The following GABRB3 variants were observed in gnomAD, a reference collection of about 807,000 sequenced individuals.
The protein encoded by GABRB3 is gamma-aminobutyric acid type A receptor subunit beta3.
Under a neutral mutation model 52.1 loss-of-function variants are expected in GABRB3, and 14 were observed. The ratio of observed to expected loss-of-function variants is 0.27; its 90% CI spans 0.18 to 0.42. The LOEUF is 0.42. GABRB3 is among the 10% of genes least tolerant of loss of function. The pLI is 1.00. For missense variants in GABRB3, 307 were observed against 609.1 expected (o/e 0.50, Z 5.22); for synonymous variants, 260 against 232.3 (o/e 1.12, Z -1.08).
At chr15:26,648,827 G>A (rs1022026266) in intron 3 of GABRB3, among the ~76,000 whole-genome samples, 3 of 152,098 alleles carry the variant, frequency 2.0e-5, no homozygotes, top group Non-Finnish European at 4.4e-5. Context: ...AACTGACAGC[G>A]GCTGGGATTT....
At chr15:26,740,899 A>G (rs1470595517) in intron 3 of GABRB3, among the ~76,000 whole-genome samples, 1 of 152,054 alleles carries the variant, frequency 6.6e-6, no homozygotes, top group Non-Finnish European at 1.5e-5. Context: ...CAACACACAC[A>G]AGCACTGCTG....
In GABRB3 at chr15:26,547,866, C is replaced by A; in HGVS notation, c.1349G>T (p.Arg450Ile). 1 of 1,614,180 alleles carries A rather than the reference C, an allele frequency of 6.2e-7. No individual in the cohort carries two copies. The highest frequency in any genetic ancestry group is 8.5e-7 in the Non-Finnish European group (1 of 1,180,042). Residue 450 changes from arginine to isoleucine, a missense_variant, in exon 9 of 9, where the codon AGA (arginine) becomes ATA (isoleucine). Around this residue, in one of 6 missense-constraint regions of GABRB3, gnomAD observed 115 missense variants for 166.9 expected, o/e 0.69. Transcript: ENST00000311550. ...GAATGGAAACACGATCCTGGACCAT[C>A]TGTCTATGGCATTCACATCGGTTAG... ...PDLTDVNAID[R>I]WSRIVFPFTF...
intron 8 of GABRB3, among the ~76,000 whole-genome samples, chr15:26,549,803 G>T (rs1889390757): frequency 6.6e-6 from 1 of 152,074 alleles, no homozygotes. Context: ...GATCCAATCA[G>T]AACACGCCTC....
intron 7 of GABRB3, among the ~76,000 whole-genome samples, chr15:26,566,986 GA>G (rs1239894731): frequency 6.6e-6 from 1 of 152,152 alleles, no homozygotes; most frequent in East Asian, 1.9e-4. Flanking sequence ...CAGCTGAATA[GA>G]GAATAATGTT....
At chr15:26,691,465 T>A (rs553288958) in intron 3 of GABRB3, among the ~76,000 whole-genome samples, 2 of 152,262 alleles carry the variant, frequency 1.3e-5, no homozygotes, top group South Asian at 4.2e-4. Flanking sequence ...ATTCATTACA[T>A]CCACTCTGCT....
At chr15:26,646,721 T>C (rs1887018984) in intron 3 of GABRB3, among the ~76,000 whole-genome samples, 1 of 152,232 alleles carries the variant, frequency 6.6e-6, no homozygotes, top group South Asian at 2.1e-4. Flanking sequence ...ATTTTCTGTT[T>C]TTTAAAATTA....
intron 7 of GABRB3, 49 bp from the exon 8 acceptor site, chr15:26,561,225 C>T: frequency 6.2e-7 from 1 of 1,608,966 alleles, no homozygotes; most frequent in Non-Finnish European, 8.5e-7. Flanking sequence ...CCACATTGGT[C>T]TTCACTTTTC....
At chr15:26,682,104 G>A (rs888063299) in intron 3 of GABRB3, among the ~76,000 whole-genome samples, 2 of 151,976 alleles carry the variant, frequency 1.3e-5, no homozygotes, top group Non-Finnish European at 1.5e-5. Context: ...TTACCCTTAG[G>A]TTTGTCCTTA....
At chr15:26,740,813 G>A (rs1265017100) in intron 3 of GABRB3, among the ~76,000 whole-genome samples, 2 of 152,130 alleles carry the variant, frequency 1.3e-5, no homozygotes, top group East Asian at 3.9e-4. Flanking sequence ...TCCCAGCAGA[G>A]TACTAAGAAT....
At chr15:26,732,501 G>GAA (rs1388921513) in intron 3 of GABRB3, among the ~76,000 whole-genome samples, 1 of 152,098 alleles carries the variant, frequency 6.6e-6, no homozygotes, top group African/African-American at 2.4e-5. Flanking sequence ...GCAGAGATGG[G>GAA]AAAATTGTTT....
At chr15:26,580,235 G>A (rs1890738444) in intron 6 of GABRB3, 84 bp downstream of exon 6, 9 of 1,494,036 alleles carry the variant, frequency 6.0e-6, no homozygotes, top group Non-Finnish European at 7.5e-6. Context: ...TGTGCTGTGA[G>A]TCTATGGCAG....
intron 3 of GABRB3, among the ~76,000 whole-genome samples, chr15:26,698,254 C>A (rs927279531): frequency 2.0e-5 from 3 of 152,154 alleles, no homozygotes; most frequent in Non-Finnish European, 2.9e-5. Context: ...GGAGAAAATG[C>A]AATAAAGTGT....
In GABRB3 at chr15:26,744,495, A is replaced by T. The variant is rs1890286606; in HGVS notation, c.240+27907T>A. On this transcript the variant is annotated intron_variant, in intron 3 of 8. Coordinates refer to ENST00000311550, the MANE Select transcript of GABRB3 (RefSeq NM_000814.6). ...GGCTGAGGTGCAATGGTGCCATCTC[A>T]GCTCACTGCAACCTCTGCCTCCTGG... 2.6e-5 allele frequency among the ~76,000 whole-genome samples: 4 copies of T among 152,044 alleles called. No homozygotes were observed. In the South Asian group the frequency reaches 8.3e-4, roughly 32 times the overall value.
At chr15:26,717,123 C>CCAGCTCTGGGGACCTCCACT (rs1889507219) in intron 3 of GABRB3, among the ~76,000 whole-genome samples, 1 of 142,736 alleles carries the variant, frequency 7.0e-6, no homozygotes, top group Non-Finnish European at 1.5e-5. Context: ...GGACATCCGC[C>CCAGCTCTGGGGACCTCCACT]CAATGACAGC....
In GABRB3 at chr15:26,544,464, T is replaced by C. The variant is rs1053002604; in HGVS notation, c.*3329A>G. The stretch of plus-strand genomic sequence containing the variant: ...GGGTGCTGGCGTTAAAAACACAATA[T>C]TGCAGATGTACAGGTAGCTTCCAAA... On this transcript the variant is annotated 3_prime_UTR_variant, in exon 9 of 9. Transcript: ENST00000311550. The C allele has an allele frequency of 2.0e-5, 3 of 152,414 alleles. No homozygotes were observed. Among genetic ancestry groups the C allele is most frequent in the African/African-American group, 7.2e-5 (3 of 41,446 alleles). 9.4% of individuals were successfully genotyped at this position (152,414 alleles called of 1,614,324 possible).
chr15:26,713,675 G>A (rs1369386459), intron 3 of GABRB3, among the ~76,000 whole-genome samples: 4 of 152,190 alleles, frequency 2.6e-5, no homozygotes, highest in South Asian at 2.1e-4. Flanking sequence ...ACTGGTGGCC[G>A]CAACACGCTG....
intron 3 of GABRB3, among the ~76,000 whole-genome samples, chr15:26,684,035 T>A (rs1888324363): frequency 7.0e-6 from 1 of 143,708 alleles, no homozygotes; most frequent in Non-Finnish European, 1.5e-5. Flanking sequence ...AAGTTTTGAG[T>A]GAGATTTAGG....
chr15:26,714,657 G>A (rs910797354), intron 3 of GABRB3, among the ~76,000 whole-genome samples: 10 of 152,122 alleles, frequency 6.6e-5, no homozygotes, highest in African/African-American at 2.4e-4. Context: ...GTGAGAAGAG[G>A]GGCGACTTTG....
At chr15:26,691,694 T>C (rs545793517) in intron 3 of GABRB3, among the ~76,000 whole-genome samples, 10 of 152,332 alleles carry the variant, frequency 6.6e-5, no homozygotes, top group Admixed American at 6.5e-4. Flanking sequence ...GGTTCTTCTA[T>C]ACTTAATTAA....
Sources: gnomAD v4.1 joint callset for allele counts (sites outside exome capture counted in the v4.1 genomes callset) on GRCh38, gnomAD v4.1.1 for gene constraint, gnomAD v4.1.1 regional missense constraint, MANE v1.5 for transcripts, NCBI Gene and HGNC (gene_info 2026-07-23, HGNC 2026-07-21) for gene names.